The following AGPS variants were observed in gnomAD, a reference collection of about 807,000 sequenced individuals.
AGPS encodes the protein alkyldihydroxyacetonephosphate synthase, peroxisomal.
AGPS carries 26 observed loss-of-function variants against 90.7 expected under a neutral mutation model. The observed-to-expected ratio is 0.29, with a 90% CI of 0.21 to 0.40. AGPS has a LOEUF of 0.40. Ranked by LOEUF, AGPS falls within the 10% of genes least tolerant of loss-of-function variation. The probability of loss-of-function intolerance (pLI) is 1.00; values close to 1 mark genes in which losing one functional copy is unlikely to be tolerated. For missense variants in AGPS, 540 were observed against 816.1 expected (o/e 0.66, Z 4.12); for synonymous variants, 294 against 285.3 (o/e 1.03, Z -0.31).
In AGPS at chr2:177,437,072, C is replaced by T. The variant is rs201582276; in HGVS notation, c.637+18C>T. ...ATGGCCAAGTAAGTTTTCCCCTCCT[C>T]GTATCATTAATTTAGTATTGCTAAA... is the stretch of plus-strand genomic sequence containing the variant. On this transcript the variant is annotated intron_variant, in intron 5 of 19. Coordinates refer to ENST00000264167, the MANE Select transcript of AGPS (RefSeq NM_003659.4). The T allele has an allele frequency of 7.8e-5, 126 of 1,608,440 alleles. No individual in the cohort carries two copies. In the Middle Eastern group the frequency reaches 3.3e-3, roughly 42 times the overall value.
At chr2:177,436,692 C>T in intron 3 of AGPS, 72 bp from the exon 4 acceptor site, 2 of 1,443,250 alleles carry the variant, frequency 1.4e-6, no homozygotes, top group Non-Finnish European at 1.9e-6. Flanking sequence ...ATTTTATAGT[C>T]ATTCTCTCTA....
intron 18 of AGPS, 56 bp from the exon 19 acceptor site, chr2:177,523,692 T>A: frequency 6.6e-7 from 1 of 1,507,254 alleles, no homozygotes; most frequent in Non-Finnish European, 9.2e-7. Context: ...TCTTTTTCTT[T>A]CACTGCAAAA....
chr2:177,433,699 A>G (rs903027046), intron 2 of AGPS, among the ~76,000 whole-genome samples: 1 of 152,090 alleles, frequency 6.6e-6, no homozygotes, highest in African/African-American at 2.4e-5. Flanking sequence ...TTTTTCTTAA[A>G]TCAAGCAATT....
chr2:177,439,485 T>C (rs1482300783), intron 5 of AGPS, among the ~76,000 whole-genome samples: 1 of 152,162 alleles, frequency 6.6e-6, no homozygotes, highest in Admixed American at 6.6e-5. Flanking sequence ...TTTTGTGAAT[T>C]ATTAATTAAT....
chr2:177,452,737 T>C (rs759475235), intron 8 of AGPS, among the ~76,000 whole-genome samples: 1 of 152,130 alleles, frequency 6.6e-6, no homozygotes, highest in Non-Finnish European at 1.5e-5. Flanking sequence ...TTCCCATCTG[T>C]TTTTGTTCTT....
At chr2:177,490,403 T>C (rs1344437311) in intron 11 of AGPS, among the ~76,000 whole-genome samples, 1 of 152,202 alleles carries the variant, frequency 6.6e-6, no homozygotes, top group African/African-American at 2.4e-5. Context: ...CTGGTACTAT[T>C]GAAGTATGAG....
At chr2:177,425,625 A>G (rs1403864147) in intron 2 of AGPS, among the ~76,000 whole-genome samples, 6 of 143,050 alleles carry the variant, frequency 4.2e-5, no homozygotes, top group African/African-American at 1.5e-4. Flanking sequence ...CTGCCTAGAA[A>G]AAAAAAAAAA....
intron 1 of AGPS, among the ~76,000 whole-genome samples, chr2:177,394,857 A>G (rs900018418): frequency 2.0e-5 from 3 of 152,174 alleles, no homozygotes; most frequent in African/African-American, 7.2e-5. Flanking sequence ...GGTAGCTGCA[A>G]TTTTCACAGT....
At chr2:177,502,237 C>T (rs564630931) in intron 14 of AGPS, among the ~76,000 whole-genome samples, 2 of 101,846 alleles carry the variant, frequency 2.0e-5, no homozygotes, top group Admixed American at 1.2e-4. Context: ...AGATTGGCTC[C>T]GTTTGAGGTC....
intron 7 of AGPS, among the ~76,000 whole-genome samples, chr2:177,445,167 T>C (rs1686729832): frequency 6.6e-6 from 1 of 152,254 alleles, no homozygotes; most frequent in Non-Finnish European, 1.5e-5. Flanking sequence ...GCTGTTTTTT[T>C]ACATGGAGTA....
At chr2:177,509,949 C>T (rs371588718) in intron 16 of AGPS, among the ~76,000 whole-genome samples, 3 of 152,078 alleles carry the variant, frequency 2.0e-5, no homozygotes, top group African/African-American at 7.2e-5. Flanking sequence ...GTTCTGTCTA[C>T]CTGGCAGGAA....
At chr2:177,421,427 T>A (rs1239790471) in intron 2 of AGPS, among the ~76,000 whole-genome samples, 10 of 152,100 alleles carry the variant, frequency 6.6e-5, no homozygotes, top group Non-Finnish European at 1.3e-4. Flanking sequence ...TCCTTTTCAT[T>A]GCAATGTATT....
rs1686933058 is a variant in AGPS at position 177,451,005 on chromosome 2, A to G, written c.870+5379A>G. On this transcript the variant is annotated intron_variant, in intron 8 of 19. Coordinates refer to ENST00000264167, the MANE Select transcript of AGPS (RefSeq NM_003659.4). ...GAGACAAGATCTCATTCTGTTGCCCAGGCTGGAGTCTAGTGGCACCATCAT... is the reference window on the plus strand; with the variant it reads ...GAGACAAGATCTCATTCTGTTGCCCGGGCTGGAGTCTAGTGGCACCATCAT... Among the ~76,000 whole-genome samples, 3 of 5,204 alleles carry G rather than the reference A, an allele frequency of 5.8e-4. No homozygotes were observed. In the South Asian group the frequency reaches 0.022, roughly 38 times the overall value. The allele number at this position is 5,204 out of a possible 152,430, so 3.4% of individuals were successfully genotyped here. A position where few individuals can be genotyped will look rare whatever the true frequency, so the allele number is the denominator to read the frequency against.
At chr2:177,482,538 T>C (rs1687975314) in intron 11 of AGPS, among the ~76,000 whole-genome samples, 1 of 152,068 alleles carries the variant, frequency 6.6e-6, no homozygotes, top group African/African-American at 2.4e-5. Context: ...TAAGATATTT[T>C]ATGATTAATT....
intron 12 of AGPS, among the ~76,000 whole-genome samples, chr2:177,494,015 GA>G (rs1688343304): frequency 6.6e-6 from 1 of 152,180 alleles, no homozygotes; most frequent in South Asian, 2.1e-4. Flanking sequence ...AAATAACATA[GA>G]AGAATGGGTG....
chr2:177,419,979 A>G (rs1322853077), intron 1 of AGPS, among the ~76,000 whole-genome samples: 6 of 151,848 alleles, frequency 4.0e-5, no homozygotes, highest in Non-Finnish European at 5.9e-5. Context: ...TGAGACATTT[A>G]TATTTTAAGC....
At chr2:177,407,729 C>T (rs1685505597) in intron 1 of AGPS, among the ~76,000 whole-genome samples, 1 of 151,150 alleles carries the variant, frequency 6.6e-6, no homozygotes, top group South Asian at 2.1e-4. Context: ...AAGATGGAAG[C>T]ACAGCAAGAA....
At chr2:177,506,216 T>G (rs1049446575) in intron 15 of AGPS, among the ~76,000 whole-genome samples, 1 of 41,684 alleles carries the variant, frequency 2.4e-5, no homozygotes, top group Non-Finnish European at 5.2e-5. Context: ...GTTGCTGGGG[T>G]TACTTTTTTT....
At chr2:177,507,333 A>G (rs909454265) in intron 15 of AGPS, among the ~76,000 whole-genome samples, 21 of 152,130 alleles carry the variant, frequency 1.4e-4, no homozygotes, top group African/African-American at 3.9e-4. Flanking sequence ...TAACAAAACA[A>G]TATTGCTCTG....
Sources: allele counts gnomAD v4.1 joint callset (sites outside exome capture counted in the v4.1 genomes callset), GRCh38; gene constraint gnomAD v4.1.1; transcripts MANE v1.5; gene names NCBI Gene and HGNC (gene_info 2026-07-23, HGNC 2026-07-21).